Variants in OTUD7A observed in about 807,000 individuals in gnomAD.
OTUD7A encodes OTU deubiquitinase 7A.
In OTUD7A, 12 loss-of-function variants were observed where a neutral mutation model predicts 65.7. The observed-to-expected ratio is 0.18, with a 90% CI of 0.12 to 0.30. The LOEUF (loss-of-function observed/expected upper bound fraction) is 0.30, where lower values mean the gene tolerates loss of function less well. Among genes scored for constraint, OTUD7A ranks in the 10% least tolerant of loss-of-function variants. The probability of loss-of-function intolerance (pLI) is 1.00; values close to 1 mark genes in which losing one functional copy is unlikely to be tolerated. For missense variants in OTUD7A, 1,148 were observed against 1,304.8 expected (o/e 0.88, Z 1.85); for synonymous variants, 641 against 586.3 (o/e 1.09, Z -1.35).
intron 1 of OTUD7A, among the ~76,000 whole-genome samples, chr15:31,718,090 G>A (rs904040448): frequency 1.4e-4 from 21 of 152,160 alleles, no homozygotes; most frequent in Non-Finnish European, 2.9e-4. Context: ...CTGTGGAAGT[G>A]ATGCTCTGTC....
intron 3 of OTUD7A, among the ~76,000 whole-genome samples, chr15:31,640,500 T>C (rs1407325620): frequency 6.6e-6 from 1 of 152,234 alleles, no homozygotes; most frequent in Non-Finnish European, 1.5e-5. Context: ...AGGGATACCA[T>C]CCATTTTAAG....
At chr15:31,766,260 C>A in intron 1 of OTUD7A, 1 of 1,593,182 alleles carries the variant, frequency 6.3e-7, no homozygotes, top group Non-Finnish European at 8.6e-7. Context: ...TGATCTCGCA[C>A]CCATTGCATC....
chr15:31,591,679 T>C (rs1339856532), intron 3 of OTUD7A, among the ~76,000 whole-genome samples: 2 of 152,092 alleles, frequency 1.3e-5, no homozygotes, highest in Admixed American at 6.6e-5. Context: ...TCTGTCTCTC[T>C]CCCCCACTCT....
intron 3 of OTUD7A, among the ~76,000 whole-genome samples, chr15:31,595,179 G>A (rs76448792): frequency 2.0e-5 from 3 of 152,194 alleles, no homozygotes; most frequent in African/African-American, 7.2e-5. Flanking sequence ...CGATGAGTTG[G>A]ACAGGGAAGC....
chr15:31,620,565 A>C (rs1426900181), intron 3 of OTUD7A, among the ~76,000 whole-genome samples: 1 of 149,908 alleles, frequency 6.7e-6, no homozygotes, highest in Admixed American at 6.6e-5. Flanking sequence ...AGAGGTGTTT[A>C]TAGTATTCTC....
chr15:31,662,042 ATCAGAT>A (rs1202659873), intron 1 of OTUD7A, among the ~76,000 whole-genome samples: 1 of 152,208 alleles, frequency 6.6e-6, no homozygotes, highest in African/African-American at 2.4e-5. Flanking sequence ...GTAAGACTCG[ATCAGAT>A]TCAGATTCAA....
intron 1 of OTUD7A, among the ~76,000 whole-genome samples, chr15:31,724,594 G>A (rs1367772452): frequency 6.6e-6 from 1 of 152,188 alleles, no homozygotes; most frequent in Non-Finnish European, 1.5e-5. Flanking sequence ...TCAAGGAACT[G>A]GGATTGTTTC....
At chr15:31,802,232 G>C (rs1238353988) in intron 1 of OTUD7A, among the ~76,000 whole-genome samples, 1 of 151,854 alleles carries the variant, frequency 6.6e-6, no homozygotes, top group East Asian at 1.9e-4. Context: ...TGTGGGGCAA[G>C]GAGAGCCATT....
chr15:31,509,580 G>A (rs1221701318), intron 8 of OTUD7A, among the ~76,000 whole-genome samples: 1 of 152,012 alleles, frequency 6.6e-6, no homozygotes, highest in African/African-American at 2.4e-5. Context: ...GCCCAGCCTT[G>A]TTTAAAGTTT....
rs150075225 is a variant in OTUD7A, at chr15:31,674,349, G to C, written c.-99-17272C>G. On this transcript the variant is annotated intron_variant, in intron 1 of 12. Coordinates refer to ENST00000307050, the MANE Select transcript of OTUD7A (RefSeq NM_001382637.1). ...CTTACCTATGTTATGAGGCCAGTGGGAGGCTGATGAGAATTTCAGAAGACA... is the reference window on the plus strand; with the variant it reads ...CTTACCTATGTTATGAGGCCAGTGGCAGGCTGATGAGAATTTCAGAAGACA... Among the ~76,000 whole-genome samples the C allele has an allele frequency of 8.4e-3, 1,285 of 152,290 alleles. 18 individuals carry two copies. Among genetic ancestry groups the C allele is most frequent in the African/African-American group, 0.028 (1,171 of 41,540 alleles).
chr15:31,580,660 A>G (rs1016840408), intron 3 of OTUD7A, among the ~76,000 whole-genome samples: 2 of 152,212 alleles, frequency 1.3e-5, no homozygotes, highest in Non-Finnish European at 2.9e-5. Context: ...CATGTCTTAC[A>G]TGGTGGCAGG....
chr15:31,787,212 G>T (rs533234858), intron 1 of OTUD7A, among the ~76,000 whole-genome samples: 1 of 152,158 alleles, frequency 6.6e-6, no homozygotes, highest in Non-Finnish European at 1.5e-5. Flanking sequence ...GCAAGGAAAA[G>T]GGCACTTGAT....
intron 1 of OTUD7A, among the ~76,000 whole-genome samples, chr15:31,835,751 C>T (rs1326191422): frequency 6.6e-6 from 1 of 152,048 alleles, no homozygotes; most frequent in Non-Finnish European, 1.5e-5. Flanking sequence ...TATATACATA[C>T]ACACATACAT....
At chr15:31,555,851 T>TTTTTTGTTTTTTC (rs1888475052) in intron 5 of OTUD7A, 1 of 103,436 alleles carries the variant, frequency 9.7e-6, no homozygotes, top group Non-Finnish European at 2.3e-5. Flanking sequence ...GTTCTTTTTC[T>TTTTTTGTTTTTTC]TTTTTTTTTT....
chr15:31,787,749 T>C (rs1001719246), intron 1 of OTUD7A: 6 of 152,214 alleles, frequency 3.9e-5, no homozygotes, highest in African/African-American at 1.4e-4. Flanking sequence ...CAATATCATA[T>C]GTATCATAGA....
At position 31,751,283 on chromosome 15, in the gene OTUD7A, G is replaced by A. The variant is rs528060974; in HGVS notation, c.-99-94206C>T. Among the ~76,000 whole-genome samples, 10 of 151,104 alleles carry A rather than the reference G, an allele frequency of 6.6e-5. No homozygotes were observed. The East Asian group carries it at 1.9e-3, about 29-fold the overall frequency. ...CATAAAGAGACACTTCTCAAAAAGA[G>A]ACATATGAGTGGCCAACAAACATAT... On this transcript the variant is annotated intron_variant, in intron 1 of 12. Coordinates refer to ENST00000307050, the MANE Select transcript of OTUD7A (RefSeq NM_001382637.1).
At chr15:31,834,416 T>C (rs1282923777) in intron 1 of OTUD7A, among the ~76,000 whole-genome samples, 2 of 152,260 alleles carry the variant, frequency 1.3e-5, no homozygotes, top group Non-Finnish European at 2.9e-5. Flanking sequence ...TGTTTTGTCT[T>C]TAAATTAATC....
intron 10 of OTUD7A, among the ~76,000 whole-genome samples, chr15:31,488,833 C>T (rs978262651): frequency 6.6e-6 from 1 of 152,250 alleles, no homozygotes; most frequent in Non-Finnish European, 1.5e-5. Flanking sequence ...CTCTTCTTCT[C>T]CAGCTTCCCC....
intron 3 of OTUD7A, among the ~76,000 whole-genome samples, chr15:31,620,258 G>A (rs1216779816): frequency 6.6e-6 from 1 of 152,092 alleles, no homozygotes; most frequent in Non-Finnish European, 1.5e-5. Context: ...CCAGGCTTTG[G>A]TATCAGGATG....
Sources: gnomAD v4.1 joint callset for allele counts (sites outside exome capture counted in the v4.1 genomes callset) on GRCh38, gnomAD v4.1.1 for gene constraint, MANE v1.5 for transcripts, NCBI Gene and HGNC (gene_info 2026-07-23, HGNC 2026-07-21) for gene names.